MLLT3: variants seen among roughly 807,000 people sequenced by gnomAD.
MLLT3 encodes the protein MLLT3 super elongation complex subunit, also known as protein AF-9.
MLLT3 carries 4 observed loss-of-function variants against 53.2 expected under a neutral mutation model. That is an observed-to-expected ratio of 0.08 (90% CI 0.04 to 0.17). The LOEUF (loss-of-function observed/expected upper bound fraction) is 0.17, where lower values mean the gene tolerates loss of function less well. Among genes scored for constraint, MLLT3 ranks in the 10% least tolerant of loss-of-function variants. The pLI is 1.00. For synonymous variants in MLLT3, 283 were observed against 230.6 expected (o/e 1.23, Z -2.06); for missense variants, 569 against 684.0 (o/e 0.83, Z 1.87).
chr9:20,355,003 C>A (rs1821134489), intron 8 of MLLT3, 124 bp from the exon 9 acceptor site: 2 of 418,250 alleles, frequency 4.8e-6, no homozygotes, highest in Non-Finnish European at 8.7e-6. Flanking sequence ...AATAGCATTT[C>A]TTTTCTATAC....
chr9:20,359,101 C>T (rs184779266), intron 8 of MLLT3, among the ~76,000 whole-genome samples: 18 of 140,522 alleles, frequency 1.3e-4, no homozygotes, highest in African/African-American at 4.3e-4. Context: ...GCCAAGATCG[C>T]GCCATTGCAC....
rs184260948 is a variant in MLLT3 at position 20,345,910 on chromosome 9, C to T, written c.*533G>A. ...AGTTGGTGGAAAGTGGCACGGTATA[C>T]GAGTAAGGTCACTGGGCTTGGGATG... On this transcript the variant is annotated 3_prime_UTR_variant, in exon 11 of 11. Coordinates refer to ENST00000380338, the MANE Select transcript of MLLT3 (RefSeq NM_004529.4). 2.6e-5 allele frequency: 6 copies of T among 231,104 alleles called. No homozygotes were observed. The highest frequency in any genetic ancestry group is 6.2e-5 in the East Asian group (1 of 16,238). The allele number at this position is 231,104 out of a possible 1,614,324, so 14.3% of individuals were successfully genotyped here. A position where few individuals can be genotyped will look rare whatever the true frequency, so the allele number is the denominator to read the frequency against.
chr9:20,418,896 G>A (rs1313061062), intron 4 of MLLT3, among the ~76,000 whole-genome samples: 1 of 152,166 alleles, frequency 6.6e-6, no homozygotes, highest in Non-Finnish European at 1.5e-5. Context: ...AGATCAGAAG[G>A]AAGGCACAGA....
intron 2 of MLLT3, among the ~76,000 whole-genome samples, chr9:20,598,423 G>A (rs1476664264): frequency 4.6e-5 from 7 of 152,176 alleles, no homozygotes; most frequent in Non-Finnish European, 2.9e-5. Flanking sequence ...CTAACTAGAT[G>A]TGTAAATTTG....
At chr9:20,439,780 C>T (rs1823498167) in intron 4 of MLLT3, among the ~76,000 whole-genome samples, 1 of 152,076 alleles carries the variant, frequency 6.6e-6, no homozygotes, top group Non-Finnish European at 1.5e-5. Flanking sequence ...ATCTCATCTA[C>T]ATAAAAATAT....
At chr9:20,472,136 T>C (rs533943360) in intron 2 of MLLT3, among the ~76,000 whole-genome samples, 2 of 152,218 alleles carry the variant, frequency 1.3e-5, no homozygotes, top group South Asian at 2.1e-4. Context: ...TATCAAAATA[T>C]GTTTTTAGGG....
At chr9:20,607,445 T>C (rs996146012) in intron 2 of MLLT3, among the ~76,000 whole-genome samples, 11 of 152,092 alleles carry the variant, frequency 7.2e-5, no homozygotes, top group South Asian at 6.2e-4. Context: ...TCAAAAGGAA[T>C]AGACATAGTT....
At chr9:20,553,821 A>C (rs778817328) in intron 2 of MLLT3, among the ~76,000 whole-genome samples, 7 of 152,140 alleles carry the variant, frequency 4.6e-5, no homozygotes, top group Non-Finnish European at 7.4e-5. Context: ...AAGACAAAAA[A>C]TAAACAGCTT....
intron 3 of MLLT3, among the ~76,000 whole-genome samples, chr9:20,455,076 T>G (rs1823925916): frequency 6.6e-6 from 1 of 152,194 alleles, no homozygotes; most frequent in African/African-American, 2.4e-5. Context: ...CAAAAACCAT[T>G]TTCTTAAGGG....
At chr9:20,618,858 C>T (rs139443951) in intron 2 of MLLT3, among the ~76,000 whole-genome samples, 18 of 152,310 alleles carry the variant, frequency 1.2e-4, no homozygotes, top group South Asian at 6.2e-4. Context: ...TTTCATAATG[C>T]CAATTTGTTG....
intron 2 of MLLT3, among the ~76,000 whole-genome samples, chr9:20,522,855 G>A (rs2118982502): frequency 6.6e-6 from 1 of 152,228 alleles, no homozygotes; most frequent in Non-Finnish European, 1.5e-5. Flanking sequence ...CAGCTACTCT[G>A]GAGGCTGAGA....
At chr9:20,551,774 T>TA (rs1357464197) in intron 2 of MLLT3, among the ~76,000 whole-genome samples, 1 of 152,220 alleles carries the variant, frequency 6.6e-6, no homozygotes, top group African/African-American at 2.4e-5. Flanking sequence ...CCCCAAAACA[T>TA]AAAATCTATG....
intron 5 of MLLT3, among the ~76,000 whole-genome samples, chr9:20,397,410 C>T (rs1217957676): frequency 1.3e-5 from 2 of 152,064 alleles, no homozygotes; most frequent in African/African-American, 2.4e-5. Context: ...AAGCTAGCAC[C>T]CACCAGCGAT....
chr9:20,598,020 A>G (rs1820321837), intron 2 of MLLT3, among the ~76,000 whole-genome samples: 1 of 152,238 alleles, frequency 6.6e-6, no homozygotes, highest in East Asian at 1.9e-4. Context: ...GAAGAAAGAC[A>G]GCCACAACCT....
chr9:20,555,981 C>T (rs1444963755), intron 2 of MLLT3, among the ~76,000 whole-genome samples: 1 of 152,192 alleles, frequency 6.6e-6, no homozygotes, highest in African/African-American at 2.4e-5. Flanking sequence ...AAACAATTGA[C>T]TGGCACTGCT....
At chr9:20,392,013 G>A (rs1480003755) in intron 5 of MLLT3, among the ~76,000 whole-genome samples, 1 of 152,124 alleles carries the variant, frequency 6.6e-6, no homozygotes, top group East Asian at 1.9e-4. Context: ...AAGGAGCGTC[G>A]TATCACTGGC....
intron 2 of MLLT3, among the ~76,000 whole-genome samples, chr9:20,609,026 T>A (rs1820637201): frequency 6.6e-6 from 1 of 151,998 alleles, no homozygotes; most frequent in African/African-American, 2.4e-5. Context: ...ATCAATGATG[T>A]TAACCTAAAA....
intron 2 of MLLT3, among the ~76,000 whole-genome samples, chr9:20,525,760 T>G (rs1341029728): frequency 6.6e-6 from 1 of 152,214 alleles, no homozygotes; most frequent in Non-Finnish European, 1.5e-5. Context: ...TTCAGCCCTT[T>G]TAATGTGTCA....
chr9:20,605,492 G>C, intron 2 of MLLT3, among the ~76,000 whole-genome samples: 1 of 151,920 alleles, frequency 6.6e-6, no homozygotes, highest in Non-Finnish European at 1.5e-5. Flanking sequence ...TAATAACCAC[G>C]GGTTCATACT....
Sources: gnomAD v4.1 joint callset for allele counts (sites outside exome capture counted in the v4.1 genomes callset) on GRCh38, gnomAD v4.1.1 for gene constraint, MANE v1.5 for transcripts, NCBI Gene and HGNC (gene_info 2026-07-23, HGNC 2026-07-21) for gene names.